The following TNNT2 variants were observed in gnomAD, a reference collection of about 807,000 sequenced individuals.
The protein encoded by TNNT2 is troponin T2, cardiac type, also known as troponin T, cardiac muscle.
In TNNT2, 34 loss-of-function variants were observed where a neutral mutation model predicts 62.4. That is an observed-to-expected ratio of 0.54 (90% confidence interval 0.41 to 0.72). The LOEUF is 0.72. Ranked by LOEUF, TNNT2 falls within the 30% of genes least tolerant of loss-of-function variation. TNNT2 has a pLI of 0.00. For synonymous variants in TNNT2, 123 were observed against 127.2 expected, an observed-to-expected ratio of 0.97 and a Z score of 0.22; for missense variants, 275 against 381.9, an observed-to-expected ratio of 0.72 and a Z score of 2.33.
At chr1:201,363,898 T>C (rs1264590180) in intron 11 of TNNT2, 1 of 218,780 alleles carries the variant, frequency 4.6e-6, no homozygotes, top group Admixed American at 5.2e-5. Flanking sequence ...CCTTTTTTTT[T>C]TTTTTTGAGT....
At chr1:201,359,294 G>T (rs1171434565) in intron 16 of TNNT2, 39 bp from the exon 17 acceptor site, 2 of 1,603,460 alleles carry the variant, frequency 1.2e-6, no homozygotes, top group Non-Finnish European at 8.5e-7. Context: ...GGAGACACAG[G>T]CAGGGTAGTA....
At chr1:201,359,467 C>T (rs1477720234) in intron 16 of TNNT2, among the ~76,000 whole-genome samples, 156 bp downstream of exon 16, 2 of 151,774 alleles carry the variant, frequency 1.3e-5, no homozygotes, top group Admixed American at 1.3e-4. Context: ...GAGAGAAGCA[C>T]GAGGCCCCGG....
intron 7 of TNNT2, chr1:201,367,545 C>G: frequency 1.6e-6 from 1 of 632,500 alleles, no homozygotes; most frequent in East Asian, 2.7e-5. Flanking sequence ...GGACAATGGT[C>G]CCCTCTCCCA....
In TNNT2 at chr1:201,366,854, A is replaced by C. The variant is rs1659746844; in HGVS notation, c.217T>G (p.Ser73Ala). ...KEAEDGPMEE[S>A]KPKPRSFMPN... ...CCCACTCACCTGGGCTTTGGTTTGG[A>C]CTCCTCCATTGGGCCATCTGGAGGA... Residue 73 changes from serine to alanine, a missense_variant, in exon 8 of 17, where the codon TCC becomes GCC. Ser to Ala is a moderately conservative substitution (Grantham distance 99). Coordinates refer to ENST00000656932, the MANE Select transcript of TNNT2 (RefSeq NM_001276345.2). The C allele has an allele frequency of 6.2e-7, 1 of 1,612,872 alleles. No homozygotes were observed.
In TNNT2 at chr1:201,366,994, G is replaced by A. The variant is rs767178505; in HGVS notation, c.200-123C>T. 2.0e-5 allele frequency: 30 copies of A among 1,527,670 alleles called. 1 individual carries two copies. Among genetic ancestry groups the A allele is most frequent in the Middle Eastern group, 3.4e-4 (2 of 5,920 alleles). 94.6% of individuals were successfully genotyped at this position (1,527,670 alleles called of 1,614,324 possible). A position where few individuals can be genotyped will look rare whatever the true frequency, so the allele number is the denominator to read the frequency against. On this transcript the variant is annotated intron_variant, in intron 7 of 16. Transcript: ENST00000656932. Reference sequence around the variant, plus strand: ...CCCATCTGCACAGTGAGTCCCTCCCGGCACTGGGGAGCCCTGATTCCAGAA... The same window carrying A: ...CCCATCTGCACAGTGAGTCCCTCCCAGCACTGGGGAGCCCTGATTCCAGAA...
intron 4 of TNNT2, among the ~76,000 whole-genome samples, chr1:201,370,690 G>A (rs556092359): frequency 9.8e-5 from 15 of 152,316 alleles, no homozygotes; most frequent in Admixed American, 7.8e-4. Flanking sequence ...GATGCTACAC[G>A]GCTCAGGCCC....
At chr1:201,377,101 T>G (rs12036092) in intron 1 of TNNT2, among the ~76,000 whole-genome samples, 1 of 152,174 alleles carries the variant, frequency 6.6e-6, no homozygotes, top group Non-Finnish European at 1.5e-5. Context: ...TCTGAGTTCC[T>G]AGCCTTGAGA....
At chr1:201,367,094 A>G (rs1659802598) in intron 7 of TNNT2, 2 of 678,442 alleles carry the variant, frequency 2.9e-6, no homozygotes, top group African/African-American at 1.8e-5. Flanking sequence ...CAGGGCACAC[A>G]CTCACGCAGT....
At chr1:201,360,789 A>G (rs79902311) in intron 15 of TNNT2, 3,019 of 205,910 alleles carry the variant, frequency 0.015, 36 homozygotes, top group Non-Finnish European at 0.021. Flanking sequence ...CCTCTAAGCC[A>G]TTTCCTTGCC....
Position 201,359,670 on chromosome 1 carries a change from G to GA in TNNT2, c.811-8dup. 1.6e-5 allele frequency: 25 copies of GA among 1,585,696 alleles called. No homozygotes were observed. Among genetic ancestry groups the GA allele is most frequent in the Non-Finnish European group, 2.1e-5 (25 of 1,163,658 alleles). ...TGTTTCGGAGAACATTGATCTGCAA[G>GA]AAAAGTGGGAAGGACAAAGAGCAAC... On this transcript the variant is annotated splice_polypyrimidine_tract_variant and splice_region_variant and intron_variant, in intron 15 of 16. Transcript: ENST00000656932.
At chr1:201,366,002 T>C (rs1659592693) in intron 8 of TNNT2, 2 of 1,215,676 alleles carry the variant, frequency 1.6e-6, no homozygotes, top group East Asian at 4.5e-5. Context: ...AAAGAAGCTG[T>C]GACAAGATGC....
chr1:201,375,535 C>T (rs2102330015), intron 1 of TNNT2, among the ~76,000 whole-genome samples: 1 of 152,220 alleles, frequency 6.6e-6, no homozygotes, highest in Admixed American at 6.5e-5. Flanking sequence ...AAGCCTCATT[C>T]TGCTGAAAAA....
intron 8 of TNNT2, 172 bp downstream of exon 8, chr1:201,366,666 C>G: frequency 6.6e-7 from 1 of 1,520,088 alleles, no homozygotes; most frequent in African/African-American, 1.4e-5. Flanking sequence ...CTCACTCACT[C>G]CCTTAGGAAG....
In TNNT2 at chr1:201,365,321, G is replaced by T; in HGVS notation, c.295-14C>A. On this transcript the variant is annotated splice_polypyrimidine_tract_variant and intron_variant, in intron 9 of 16. Transcript: ENST00000656932. ...CCGGTGGATGTCCTGTGGGTGGACC[G>T]CTGCGGCTCAGAGGCTGCCACTCCA... 1 of 1,606,098 alleles carries T rather than the reference G, an allele frequency of 6.2e-7. No homozygotes were observed. Among genetic ancestry groups the T allele is most frequent in the Non-Finnish European group, 8.5e-7 (1 of 1,172,874 alleles).
chr1:201,369,866 G>A lies in TNNT2; in HGVS notation c.68-21C>T, dbSNP rs370335515. 797 of 1,614,088 alleles carry A rather than the reference G, an allele frequency of 4.9e-4. 3 individuals are homozygous for A. The highest frequency in any genetic ancestry group is 3.9e-3 in the African/African-American group (294 of 75,054). ...CTCTTCTGAGGTTCAGGGAGTGGCC[G>A]CAGCGGAGGGGAAAAGCGAGACAGG... On this transcript the variant is annotated intron_variant, in intron 4 of 16. Coordinates refer to ENST00000656932, the MANE Select transcript of TNNT2 (RefSeq NM_001276345.2).
chr1:201,367,600 G>T, intron 7 of TNNT2, 171 bp downstream of exon 7: 2 of 782,888 alleles, frequency 2.6e-6, no homozygotes, highest in East Asian at 4.9e-5. Context: ...GGGCAAAGTT[G>T]AAAGCTCAAC....
intron 3 of TNNT2, 35 bp from the exon 4 acceptor site, chr1:201,372,076 A>G (rs757659234): frequency 1.2e-6 from 2 of 1,614,134 alleles, no homozygotes; most frequent in Non-Finnish European, 1.7e-6. Flanking sequence ...GCAAGAGAAG[A>G]GAGAAGAGGT....
chr1:201,366,240 C>T, intron 8 of TNNT2: 2 of 1,024,610 alleles, frequency 2.0e-6, no homozygotes, highest in South Asian at 7.9e-5. Context: ...TCTGGGATGT[C>T]TTGGGCTGGT....
intron 14 of TNNT2, 88 bp downstream of exon 14, chr1:201,361,824 TG>T: frequency 1.6e-6 from 2 of 1,228,524 alleles, no homozygotes; most frequent in Non-Finnish European, 1.2e-6. Flanking sequence ...TCCTGCCCTC[TG>T]GTGGCTCACA....
Sources: allele counts gnomAD v4.1 joint callset (sites outside exome capture counted in the v4.1 genomes callset), GRCh38; gene constraint gnomAD v4.1.1; transcripts MANE v1.5; gene names NCBI Gene and HGNC (gene_info 2026-07-23, HGNC 2026-07-21).